ARMC2: variants seen among roughly 807,000 people sequenced by gnomAD.
ARMC2 encodes armadillo repeat containing 2, also known as armadillo repeat-containing protein 2.
A neutral mutation model predicts 90.3 loss-of-function variants in ARMC2; 67 were observed. That is an observed-to-expected ratio of 0.74 (90% confidence interval 0.61 to 0.91). ARMC2 has a LOEUF of 0.91. Ranked by LOEUF, ARMC2 falls within the 40% of genes least tolerant of loss-of-function variation. ARMC2 has a pLI of 0.00. For synonymous variants in ARMC2, 393 were observed against 393.0 expected (o/e 1.00, Z 0.00); for missense variants, 920 against 1,030.9 (o/e 0.89, Z 1.47).
At chr6:108,990,685 G>A in the ARMC2 span, 26 of 1,613,874 alleles carry the variant, frequency 1.6e-5, no homozygotes, top group East Asian at 2.2e-5. Flanking sequence ...CAAATTGCCC[G>A]TCTAAGCATT....
At chr6:108,900,029 T>C (rs1771969750) in intron 7 of ARMC2, among the ~76,000 whole-genome samples, 1 of 152,180 alleles carries the variant, frequency 6.6e-6, no homozygotes. Flanking sequence ...AGAGCCAATT[T>C]CTAAAACTTC....
At chr6:108,933,544 A>G (rs1775745885) in intron 11 of ARMC2, among the ~76,000 whole-genome samples, 1 of 152,160 alleles carries the variant, frequency 6.6e-6, no homozygotes, top group South Asian at 2.1e-4. Context: ...TCTAAAGGAA[A>G]TATTTTCATG....
chr6:108,988,435 T>G, the ARMC2 span: 1 of 948,630 alleles, frequency 1.1e-6, no homozygotes, highest in Non-Finnish European at 1.5e-6. Context: ...ATGTTTTTCT[T>G]TGGGTTGGTA....
intron 10 of ARMC2, among the ~76,000 whole-genome samples, chr6:108,915,102 G>A (rs997968433): frequency 6.6e-6 from 1 of 151,864 alleles, no homozygotes; most frequent in Non-Finnish European, 1.5e-5. Context: ...ACAGGCACCC[G>A]CCACCACGCC....
chr6:108,910,468 GAA>G (rs1773299556), intron 8 of ARMC2, among the ~76,000 whole-genome samples: 1 of 151,980 alleles, frequency 6.6e-6, no homozygotes, highest in Non-Finnish European at 1.5e-5. Context: ...CTGTAAAAAA[GAA>G]AAGAGAGAGA....
rs190598444 is a variant in ARMC2 at position 108,852,212 on chromosome 6, C to T, written c.-43-2013C>T. 4.1e-3 allele frequency among the ~76,000 whole-genome samples: 619 copies of T among 152,226 alleles called. 7 individuals are homozygous for T. Among genetic ancestry groups the T allele is most frequent in the African/African-American group, 0.014 (584 of 41,538 alleles). On this transcript the variant is annotated intron_variant, in intron 1 of 17. Coordinates refer to ENST00000392644, the MANE Select transcript of ARMC2 (RefSeq NM_032131.6). ...AAATATCAATTTAAAAATCCTCCCC[C>T]CAAAGCCCCACTTCTAATTCTTCTA...
At chr6:109,000,797 A>G in the ARMC2 span, 1 of 724,038 alleles carries the variant, frequency 1.4e-6, no homozygotes, top group Non-Finnish European at 2.0e-6. Flanking sequence ...TCCGTAAACT[A>G]CAGAAATGCA....
chr6:108,861,703 C>T (rs1422207960), intron 3 of ARMC2, among the ~76,000 whole-genome samples: 3 of 152,196 alleles, frequency 2.0e-5, no homozygotes, highest in Non-Finnish European at 4.4e-5. Flanking sequence ...TTGGGAACCA[C>T]TTGGGTTTTG....
At chr6:108,920,872 T>A (rs1455218766) in intron 10 of ARMC2, among the ~76,000 whole-genome samples, 1 of 151,932 alleles carries the variant, frequency 6.6e-6, no homozygotes, top group East Asian at 1.9e-4. Flanking sequence ...ACTGGGAGGG[T>A]CTGATTCCTG....
chr6:109,050,911 T>C, the ARMC2 span, among the ~76,000 whole-genome samples: 1 of 152,142 alleles, frequency 6.6e-6, no homozygotes, highest in Admixed American at 6.5e-5. Context: ...ACTGCTTAGG[T>C]AGGGGGAATG....
At chr6:108,923,734 C>G (rs1456444987) in intron 10 of ARMC2, among the ~76,000 whole-genome samples, 1 of 151,510 alleles carries the variant, frequency 6.6e-6, no homozygotes, top group Non-Finnish European at 1.5e-5. Context: ...TGACAAGTCT[C>G]TCAAGATACA....
rs777158107 is a variant in ARMC2 at position 108,874,204 on chromosome 6, G to A, written c.464-1939G>A. ...AGTGAGCCCCCCAGGGCAGCTCTTCGTTGTAGTAATACCTGACAAGCTTAC... is the reference window on the plus strand; with the variant it reads ...AGTGAGCCCCCCAGGGCAGCTCTTCATTGTAGTAATACCTGACAAGCTTAC... On this transcript the variant is annotated intron_variant, in intron 4 of 17. Coordinates refer to ENST00000392644, the MANE Select transcript of ARMC2 (RefSeq NM_032131.6). 3.9e-5 allele frequency among the ~76,000 whole-genome samples: 6 copies of A among 152,246 alleles called. No individual in the cohort carries two copies. In the South Asian group the frequency reaches 6.2e-4, roughly 16 times the overall value.
intron 2 of ARMC2, among the ~76,000 whole-genome samples, chr6:108,856,080 T>C (rs1582922893): frequency 6.6e-6 from 1 of 152,338 alleles, no homozygotes; most frequent in East Asian, 1.9e-4. Context: ...ATCAATTCTT[T>C]CTTTCATGGA....
chr6:109,015,319 T>C, the ARMC2 span, among the ~76,000 whole-genome samples: 1 of 152,304 alleles, frequency 6.6e-6, no homozygotes, highest in African/African-American at 2.4e-5. Context: ...TTTCTGTGAC[T>C]GCTCTCCTGC....
At chr6:108,943,658 C>T (rs772307380) in intron 12 of ARMC2, among the ~76,000 whole-genome samples, 4 of 151,484 alleles carry the variant, frequency 2.6e-5, no homozygotes, top group Non-Finnish European at 5.9e-5. Context: ...GTCTCTACAA[C>T]AACAATTAAA....
In ARMC2 at chr6:108,905,932, A is replaced by G. The variant is rs78815978; in HGVS notation, c.1023+1527A>G. Among the ~76,000 whole-genome samples the G allele has an allele frequency of 7.7e-3, 1,179 of 152,328 alleles. 15 individuals are homozygous for G. Among genetic ancestry groups the G allele is most frequent in the African/African-American group, 0.028 (1,151 of 41,574 alleles). On this transcript the variant is annotated intron_variant, in intron 8 of 17. Transcript: ENST00000392644. ...ATCTACTGCCTGGATCTCCTGTAACATTCCAGACAAGATCTTGTTTAGCTT... is the reference window on the plus strand; with the variant it reads ...ATCTACTGCCTGGATCTCCTGTAACGTTCCAGACAAGATCTTGTTTAGCTT...
rs747665355 is a variant in ARMC2 at position 108,962,091 on chromosome 6, G to C, written c.2116G>C (p.Asp706His). The change falls in exon 15 of 18, where the codon GAC becomes CAC. Residue 706 changes from aspartate to histidine, a missense_variant. Coordinates refer to ENST00000392644, the MANE Select transcript of ARMC2 (RefSeq NM_032131.6). ...AVRVFGNLSQ[D>H]HDVCDFIVQN... ...GCGTGTTTTCGGAAATCTCTCCCAGGACCATGATGTCTGCGATTTCATTGT... is the reference window on the plus strand; with the variant it reads ...GCGTGTTTTCGGAAATCTCTCCCAGCACCATGATGTCTGCGATTTCATTGT... 1.9e-5 allele frequency: 30 copies of C among 1,612,624 alleles called. No homozygotes were observed. The highest frequency in any genetic ancestry group is 2.4e-5 in the Non-Finnish European group (28 of 1,179,190).
At chr6:108,871,592 G>A (rs1485865946) in intron 4 of ARMC2, among the ~76,000 whole-genome samples, 1 of 152,126 alleles carries the variant, frequency 6.6e-6, no homozygotes, top group South Asian at 2.1e-4. Flanking sequence ...TGTGTTTCAT[G>A]TATTTTTAAC....
intron 7 of ARMC2, among the ~76,000 whole-genome samples, chr6:108,900,750 A>C (rs1437104984): frequency 1.3e-5 from 2 of 152,144 alleles, no homozygotes; most frequent in African/African-American, 4.8e-5. Flanking sequence ...GCTACTCGCC[A>C]AGCGTATGGC....
Sources: allele counts gnomAD v4.1 joint callset (sites outside exome capture counted in the v4.1 genomes callset), GRCh38; gene constraint gnomAD v4.1.1; transcripts MANE v1.5; gene names NCBI Gene and HGNC (gene_info 2026-07-23, HGNC 2026-07-21).